Variants in ALPL observed in about 807,000 individuals in gnomAD.
The protein encoded by ALPL is alkaline phosphatase, tissue-nonspecific isozyme.
In ALPL, 42 loss-of-function variants were observed where a neutral mutation model predicts 51.3. The observed-to-expected ratio is 0.82, with a 90% CI of 0.64 to 1.06. The LOEUF is 1.06. Among genes scored for constraint, ALPL ranks in the 50% least tolerant of loss-of-function variants. The pLI, the probability that ALPL is intolerant of heterozygous loss-of-function variation, is 0.00. For synonymous variants in ALPL, 279 were observed against 296.4 expected, an observed-to-expected ratio of 0.94 and a Z score of 0.60; for missense variants, 589 against 709.4, an observed-to-expected ratio of 0.83 and a Z score of 1.93.
intron 1 of ALPL, among the ~76,000 whole-genome samples, chr1:21,519,515 G>T (rs1213755372): frequency 6.6e-6 from 1 of 152,244 alleles, no homozygotes; most frequent in Non-Finnish European, 1.5e-5. Flanking sequence ...GAAGCTCAGA[G>T]GCTGGGCACA....
chr1:21,532,057 G>A (rs1336914932), intron 1 of ALPL, among the ~76,000 whole-genome samples: 2 of 152,140 alleles, frequency 1.3e-5, no homozygotes, highest in African/African-American at 4.8e-5. Context: ...CTCTGTTGGG[G>A]CAAGGAGCGT....
At position 21,542,950 on chromosome 1, in the gene ALPL, G is replaced by T. The variant is rs908073689; in HGVS notation, c.-104-11028G>T. ...GAGGATCACTTGAACCCAGGAGTTC[G>T]AGACTAGCCTGGGCAGCATAGTGAG... is the stretch of plus-strand genomic sequence containing the variant. On this transcript the variant is annotated intron_variant, in intron 1 of 11. Transcript: ENST00000374840. Among the ~76,000 whole-genome samples the T allele has an allele frequency of 2.0e-5, 3 of 151,972 alleles. No homozygotes were observed. In the South Asian group the frequency reaches 6.2e-4, roughly 32 times the overall value.
At chr1:21,573,361 C>T (rs566994205) in intron 8 of ALPL, among the ~76,000 whole-genome samples, 5 of 150,362 alleles carry the variant, frequency 3.3e-5, no homozygotes, top group African/African-American at 7.3e-5. Flanking sequence ...CACTTGAACC[C>T]GGGAGGCAGA....
At chr1:21,519,006 C>T (rs746490230) in intron 1 of ALPL, among the ~76,000 whole-genome samples, 1 of 152,228 alleles carries the variant, frequency 6.6e-6, no homozygotes, top group Non-Finnish European at 1.5e-5. Context: ...TACCCTATTT[C>T]CTGCACAAGT....
At chr1:21,526,185 G>T (rs1643939021) in intron 1 of ALPL, among the ~76,000 whole-genome samples, 1 of 152,040 alleles carries the variant, frequency 6.6e-6, no homozygotes, top group Admixed American at 6.6e-5. Context: ...TGTCTCCCAG[G>T]CTGGAGTGCC....
At chr1:21,540,142 A>C (rs1390162362) in intron 1 of ALPL, among the ~76,000 whole-genome samples, 1 of 152,136 alleles carries the variant, frequency 6.6e-6, no homozygotes, top group African/African-American at 2.4e-5. Context: ...GGCTTGGCAC[A>C]GAGTGAGGTG....
At chr1:21,570,438 GC>G in intron 8 of ALPL, 64 bp downstream of exon 8, 1 of 1,539,848 alleles carries the variant, frequency 6.5e-7, no homozygotes, top group Non-Finnish European at 8.9e-7. Context: ...GCTGCGTGTG[GC>G]CAGCACCTGG....
intron 2 of ALPL, among the ~76,000 whole-genome samples, chr1:21,555,388 A>T (rs1644399526): frequency 6.6e-6 from 1 of 152,202 alleles, no homozygotes; most frequent in South Asian, 2.1e-4. Context: ...AGGGGATATG[A>T]TGGCTTAGCT....
intron 2 of ALPL, 59 bp downstream of exon 2, chr1:21,554,201 G>A: frequency 6.6e-7 from 1 of 1,525,964 alleles, no homozygotes; most frequent in African/African-American, 1.4e-5. Flanking sequence ...GTATGATGAG[G>A]GCAGTGTCTA....
At chr1:21,556,511 G>A (rs1273905084) in intron 2 of ALPL, among the ~76,000 whole-genome samples, 2 of 152,104 alleles carry the variant, frequency 1.3e-5, no homozygotes, top group Non-Finnish European at 2.9e-5. Flanking sequence ...GCATAGTGCT[G>A]CATGCTTGTA....
At chr1:21,519,424 T>C (rs1643862335) in intron 1 of ALPL, among the ~76,000 whole-genome samples, 1 of 152,204 alleles carries the variant, frequency 6.6e-6, no homozygotes, top group South Asian at 2.1e-4. Flanking sequence ...CCGTGGAAAG[T>C]GCTTTACCAT....
intron 1 of ALPL, among the ~76,000 whole-genome samples, chr1:21,522,342 G>A (rs576495525): frequency 1.2e-3 from 177 of 152,300 alleles, no homozygotes; most frequent in African/African-American, 4.2e-3. Flanking sequence ...CCAAAGTGCT[G>A]GGATTACAGG....
At position 21,577,500 on chromosome 1, in the gene ALPL, A is replaced by C. The variant is rs2148195004; in HGVS notation, c.1427A>C (p.Glu476Ala). 6.2e-7 allele frequency: 1 copy of C among 1,608,948 alleles called. No homozygotes were observed. Among genetic ancestry groups the C allele is most frequent in the Non-Finnish European group, 8.5e-7 (1 of 1,179,882 alleles). ...GCGCACCTGCTGCACGGCGTCCACG[A>C]GCAGAACTACGTCCCCCACGTGATG... ...PMAHLLHGVH[E>A]QNYVPHVMAY... The change falls in exon 12 of 12, where the codon GAG (glutamate) becomes GCG (alanine). Residue 476 changes from glutamate (E) to alanine (A), a missense_variant. Glu to Ala is a moderately radical substitution (Grantham distance 107). Coordinates refer to ENST00000374840, the MANE Select transcript of ALPL (RefSeq NM_000478.6).
chr1:21,545,192 T>C (rs75863622), intron 1 of ALPL, among the ~76,000 whole-genome samples: 1,763 of 152,306 alleles, frequency 0.012, 41 homozygotes, highest in African/African-American at 0.04. Flanking sequence ...AGCCTAGCAG[T>C]TTCTCTACAT....
intron 1 of ALPL, among the ~76,000 whole-genome samples, chr1:21,543,060 A>G (rs932230674): frequency 2.0e-5 from 3 of 152,136 alleles, no homozygotes; most frequent in African/African-American, 4.8e-5. Flanking sequence ...AGGCTGAGGC[A>G]GGAGGATCGC....
intron 7 of ALPL, among the ~76,000 whole-genome samples, chr1:21,569,468 C>T (rs16825571): frequency 0.2 from 30,310 of 152,084 alleles, 3,804 homozygotes; most frequent in East Asian, 0.45. Context: ...TCAGTGGCTA[C>T]GTGGTCTGTG....
intron 1 of ALPL, among the ~76,000 whole-genome samples, chr1:21,523,913 T>C (rs1643909035): frequency 1.3e-5 from 2 of 149,218 alleles, no homozygotes; most frequent in African/African-American, 4.9e-5. Context: ...AGCTCTTTTA[T>C]GAAACCTTAA....
intron 1 of ALPL, among the ~76,000 whole-genome samples, chr1:21,533,480 AC>A (rs1172965904): frequency 1.3e-5 from 2 of 152,316 alleles, no homozygotes; most frequent in South Asian, 2.1e-4. Flanking sequence ...CTGTAAAACA[AC>A]CCTGCAAGGT....
chr1:21,545,871 A>G (rs2148119833), intron 1 of ALPL, among the ~76,000 whole-genome samples: 1 of 152,180 alleles, frequency 6.6e-6, no homozygotes, highest in South Asian at 2.1e-4. Flanking sequence ...GCTGGAGTAC[A>G]GTGGCACGAT....
Sources: allele counts gnomAD v4.1 joint callset (sites outside exome capture counted in the v4.1 genomes callset), GRCh38; gene constraint gnomAD v4.1.1; transcripts MANE v1.5; gene names NCBI Gene and HGNC (gene_info 2026-07-23, HGNC 2026-07-21).